ATXN1: variants seen among roughly 807,000 people sequenced by gnomAD.
ATXN1 encodes the protein ataxin-1.
ATXN1 carries 8 observed loss-of-function variants against 56.4 expected under a neutral mutation model. The observed-to-expected ratio is 0.14, with a 90% CI of 0.08 to 0.26. The LOEUF is 0.26. Among genes scored for constraint, ATXN1 ranks in the 10% least tolerant of loss-of-function variants. The pLI, the probability that ATXN1 is intolerant of heterozygous loss-of-function variation, is 1.00. For missense variants in ATXN1, 987 were observed against 1,106.5 expected (o/e 0.89, Z 1.53); for synonymous variants, 514 against 494.6 (o/e 1.04, Z -0.52).
intron 7 of ATXN1, among the ~76,000 whole-genome samples, chr6:16,321,614 T>G (rs1457857292): frequency 6.6e-6 from 1 of 152,214 alleles, no homozygotes; most frequent in Non-Finnish European, 1.5e-5. Flanking sequence ...GAAAAGCATT[T>G]TTCTCCTACA....
Position 16,606,630 on chromosome 6 carries a change from GTGATTCTC to G in ATXN1, c.-488-20731_-488-20724del, listed in dbSNP as rs1554119487. Among the ~76,000 whole-genome samples, 110 of 151,978 alleles carry G rather than the reference GTGATTCTC, an allele frequency of 7.2e-4. 1 individual carries two copies. The Middle Eastern group carries it at 0.01, about 14-fold the overall frequency. ...TGTGACCTCCGACTCCTGGGTTCAA[GTGATTCTC>G]CTGCCTCAGCCTCCCAAGTAGCTGG... On this transcript the variant is annotated intron_variant, in intron 3 of 7. Transcript: ENST00000436367.
At chr6:16,504,717 G>A (rs9297009) in intron 5 of ATXN1, among the ~76,000 whole-genome samples, 7,554 of 152,138 alleles carry the variant, frequency 0.05, 639 homozygotes, top group African/African-American at 0.17. Context: ...GACGTGAACT[G>A]CTCCCCACAA....
chr6:16,640,344 G>A (rs1218811970), intron 3 of ATXN1, among the ~76,000 whole-genome samples: 1 of 152,152 alleles, frequency 6.6e-6, no homozygotes, highest in African/African-American at 2.4e-5. Flanking sequence ...AAGACTGGCT[G>A]TTCTCTCTCC....
At chr6:16,712,148 T>C (rs2113455896) in intron 2 of ATXN1, among the ~76,000 whole-genome samples, 1 of 152,330 alleles carries the variant, frequency 6.6e-6, no homozygotes, top group South Asian at 2.1e-4. Context: ...TGTGGATGTA[T>C]GCATTCATCA....
At chr6:16,369,721 A>G (rs757393600) in intron 6 of ATXN1, among the ~76,000 whole-genome samples, 2 of 151,866 alleles carry the variant, frequency 1.3e-5, no homozygotes, top group African/African-American at 2.4e-5. Flanking sequence ...TACCTTAAAG[A>G]TAAACTCTCC....
chr6:16,472,869 C>T (rs1760246668), intron 6 of ATXN1, among the ~76,000 whole-genome samples: 1 of 152,308 alleles, frequency 6.6e-6, no homozygotes, highest in East Asian at 1.9e-4. Flanking sequence ...TTAATGCTGA[C>T]AGAGCACTCC....
At chr6:16,670,036 G>C (rs890465265) in intron 2 of ATXN1, among the ~76,000 whole-genome samples, 9 of 152,024 alleles carry the variant, frequency 5.9e-5, no homozygotes, top group African/African-American at 2.2e-4. Flanking sequence ...CGCTCAGAGA[G>C]ACTCCTGGGT....
At chr6:16,686,051 G>C (rs989732233) in intron 2 of ATXN1, among the ~76,000 whole-genome samples, 4 of 151,876 alleles carry the variant, frequency 2.6e-5, no homozygotes, top group African/African-American at 9.7e-5. Flanking sequence ...TTTTTGAAAA[G>C]TCCTCCATAC....
chr6:16,621,203 G>A (rs895385232), intron 3 of ATXN1, among the ~76,000 whole-genome samples: 8 of 152,172 alleles, frequency 5.3e-5, no homozygotes, highest in South Asian at 4.1e-4. Context: ...AGGAGATAAC[G>A]CAGCTCAGTG....
chr6:16,492,109 C>T (rs1760677306), intron 5 of ATXN1, among the ~76,000 whole-genome samples: 1 of 152,130 alleles, frequency 6.6e-6, no homozygotes, highest in African/African-American at 2.4e-5. Flanking sequence ...TTCAGCTAAG[C>T]CATGCCTGGA....
chr6:16,415,757 A>T (rs892333586), intron 6 of ATXN1, among the ~76,000 whole-genome samples: 1 of 152,212 alleles, frequency 6.6e-6, no homozygotes, highest in African/African-American at 2.4e-5. Flanking sequence ...ACTGAGTGCC[A>T]CTTTTATTAA....
chr6:16,726,612 C>T (rs545502527), intron 2 of ATXN1, among the ~76,000 whole-genome samples: 31 of 152,004 alleles, frequency 2.0e-4, no homozygotes, highest in Non-Finnish European at 4.3e-4. Flanking sequence ...CACCTATAGT[C>T]CCAGCACTTT....
At chr6:16,620,692 C>A (rs960468692) in intron 3 of ATXN1, among the ~76,000 whole-genome samples, 3 of 152,190 alleles carry the variant, frequency 2.0e-5, no homozygotes, top group African/African-American at 2.4e-5. Context: ...TATGCCCCCC[C>A]AAAAGGCTTT....
chr6:16,404,122 G>A (rs577539186), intron 6 of ATXN1, among the ~76,000 whole-genome samples: 4 of 152,158 alleles, frequency 2.6e-5, no homozygotes, highest in South Asian at 2.1e-4. Context: ...CCATATCAAC[G>A]TGTGTGCATG....
At chr6:16,396,259 TAA>T (rs749738695) in intron 6 of ATXN1, among the ~76,000 whole-genome samples, 8 of 143,160 alleles carry the variant, frequency 5.6e-5, no homozygotes, top group African/African-American at 2.1e-4. Context: ...ACAGAAAACT[TAA>T]AAAAAAAAAA....
At chr6:16,740,020 G>A (rs1759015056) in intron 2 of ATXN1, 1 of 378,632 alleles carries the variant, frequency 2.6e-6, no homozygotes, top group Non-Finnish European at 5.5e-6. Flanking sequence ...AGAGATTGAG[G>A]AGGGCACCTA....
chr6:16,399,198 C>T (rs1374807644), intron 6 of ATXN1, among the ~76,000 whole-genome samples: 2 of 152,188 alleles, frequency 1.3e-5, no homozygotes, highest in Non-Finnish European at 2.9e-5. Context: ...TTAAATGTGG[C>T]AGTGAATGCA....
At chr6:16,755,538 A>G (rs555430) in intron 1 of ATXN1, among the ~76,000 whole-genome samples, 105,257 of 151,880 alleles carry the variant, frequency 0.69, 37,568 homozygotes, top group East Asian at 0.95. Context: ...TAATGTGAGA[A>G]AGGGGAACAA....
intron 3 of ATXN1, among the ~76,000 whole-genome samples, chr6:16,636,374 T>C (rs1289454389): frequency 6.6e-6 from 1 of 152,122 alleles, no homozygotes; most frequent in Non-Finnish European, 1.5e-5. Context: ...CTCATCTGCC[T>C]ACTTGTTTCT....
Sources: allele counts gnomAD v4.1 joint callset (sites outside exome capture counted in the v4.1 genomes callset), GRCh38; gene constraint gnomAD v4.1.1; transcripts MANE v1.5; gene names NCBI Gene and HGNC (gene_info 2026-07-23, HGNC 2026-07-21).